HSD17B2: variants seen among roughly 807,000 people sequenced by gnomAD.
HSD17B2 encodes hydroxysteroid 17-beta dehydrogenase 2, also known as 17-beta-hydroxysteroid dehydrogenase type 2.
A neutral mutation model predicts 26.9 loss-of-function variants in HSD17B2; 32 were observed. The ratio of observed to expected loss-of-function variants is 1.19; its 90% CI spans 0.90 to 1.60. The LOEUF (loss-of-function observed/expected upper bound fraction) is 1.60. Ranked by LOEUF, HSD17B2 falls within the 40% of genes most tolerant of loss-of-function variation. The pLI, the probability that HSD17B2 is intolerant of heterozygous loss-of-function variation, is 0.00. For missense variants in HSD17B2, 613 were observed against 468.6 expected (o/e 1.31, Z -2.85); for synonymous variants, 246 against 186.7 (o/e 1.32, Z -2.59).
At position 82,081,163 on chromosome 16, in the gene HSD17B2, G is replaced by C. The variant is rs1246027631; in HGVS notation, c.665-9739G>C. On this transcript the variant is annotated intron_variant, in intron 3 of 4. Coordinates refer to ENST00000199936, the MANE Select transcript of HSD17B2 (RefSeq NM_002153.3). Reference sequence around the variant, plus strand: ...ACTTCCATTGGATCTGCCCTCCTTGGAAGGCAAGAGGTGTGCAGAATAGAA... The same window carrying C: ...ACTTCCATTGGATCTGCCCTCCTTGCAAGGCAAGAGGTGTGCAGAATAGAA... Among the ~76,000 whole-genome samples, 3 of 152,106 alleles carry C rather than the reference G, an allele frequency of 2.0e-5. No individual in the cohort carries two copies. In the South Asian group the frequency reaches 6.2e-4, roughly 32 times the overall value.
At chr16:82,096,136 T>C (rs1904832034) in intron 4 of HSD17B2, 1 of 152,184 alleles carries the variant, frequency 6.6e-6, no homozygotes, top group Non-Finnish European at 1.5e-5. Flanking sequence ...TATGTGTGAA[T>C]TATATTAAAA....
intron 4 of HSD17B2, 58 bp downstream of exon 4, chr16:82,091,097 C>T: frequency 1.3e-6 from 2 of 1,555,536 alleles, no homozygotes; most frequent in East Asian, 2.2e-5. Context: ...CCCGAAGGTC[C>T]TCTTGGTCTG....
In HSD17B2 at chr16:82,059,945, G is replaced by A. The variant is rs1238577740; in HGVS notation, c.266-8225G>A. Among the ~76,000 whole-genome samples, 4 of 152,258 alleles carry A rather than the reference G, an allele frequency of 2.6e-5. No individual in the cohort carries two copies. In the East Asian group the frequency reaches 5.8e-4, roughly 22 times the overall value. On this transcript the variant is annotated intron_variant, in intron 1 of 4. Transcript: ENST00000199936. ...AAAAAAAATTGACATGAAAAATCTA[G>A]CTATTTCCCAAGGCCTCCTCACCCG...
At chr16:82,067,967 C>A (rs970018030) in intron 1 of HSD17B2, among the ~76,000 whole-genome samples, 1 of 152,172 alleles carries the variant, frequency 6.6e-6, no homozygotes. Context: ...ATATTATGCC[C>A]CTTTCTTTAT....
At chr16:82,095,695 G>C (rs1000609213) in intron 4 of HSD17B2, 1 of 152,248 alleles carries the variant, frequency 6.6e-6, no homozygotes, top group Non-Finnish European at 1.5e-5. Context: ...GGATAGGGAA[G>C]TGATTGGCTA....
At chr16:82,084,292 C>G (rs1904460892) in intron 3 of HSD17B2, among the ~76,000 whole-genome samples, 1 of 152,098 alleles carries the variant, frequency 6.6e-6, no homozygotes, top group African/African-American at 2.4e-5. Context: ...GGGTGTTTAA[C>G]AGCATATGTG....
Position 82,090,966 on chromosome 16 carries a change from A to C in HSD17B2, c.729A>C (p.Ser243=), listed in dbSNP as rs377380117. 3.1e-6 allele frequency: 5 copies of C among 1,613,926 alleles called. No homozygotes were observed. The highest frequency in any genetic ancestry group is 4.5e-5 in the East Asian group (2 of 44,892). Residue 243 remains serine (S), a synonymous_variant, in exon 4 of 5, where the codon TCA becomes TCC. Coordinates refer to ENST00000199936, the MANE Select transcript of HSD17B2 (RefSeq NM_002153.3). The stretch of plus-strand genomic sequence containing the variant: ...CAAAGGCGGCTGTGACCATGTTCTC[A>C]TCAGTTATGAGACTGGAGCTTTCCA... ...GSSKAAVTMF[S]SVMRLELSKW...
rs180692536 is a variant in HSD17B2 at position 82,072,106 on chromosome 16, C to T, written c.664+979C>T. 4.6e-5 allele frequency: 7 copies of T among 152,304 alleles called. No individual in the cohort carries two copies. The South Asian group carries it at 1.2e-3, about 27-fold the overall frequency. The allele number at this position is 152,304 out of a possible 1,614,324, so 9.4% of individuals were successfully genotyped here. ...CCTAGACAAATATAGTTGTCCATCA[C>T]ATTCCCTTTCCTGGCTTTAACTCAG... On this transcript the variant is annotated intron_variant, in intron 3 of 4. Coordinates refer to ENST00000199936, the MANE Select transcript of HSD17B2 (RefSeq NM_002153.3).
At chr16:82,057,578 G>A (rs952844994) in intron 1 of HSD17B2, among the ~76,000 whole-genome samples, 1 of 152,212 alleles carries the variant, frequency 6.6e-6, no homozygotes, top group Non-Finnish European at 1.5e-5. Context: ...AAAAGCAACT[G>A]TGCAGTGGAG....
At chr16:82,074,298 C>T (rs1914764044) in intron 3 of HSD17B2, among the ~76,000 whole-genome samples, 1 of 152,194 alleles carries the variant, frequency 6.6e-6, no homozygotes, top group African/African-American at 2.4e-5. Flanking sequence ...TCGTTCATCA[C>T]ATCCAGTTTT....
intron 3 of HSD17B2, among the ~76,000 whole-genome samples, chr16:82,084,913 G>T (rs759850009): frequency 2.0e-5 from 3 of 152,128 alleles, no homozygotes; most frequent in Non-Finnish European, 2.9e-5. Flanking sequence ...TTTTTGCCAT[G>T]GGGTCTCACT....
intron 1 of HSD17B2, among the ~76,000 whole-genome samples, chr16:82,041,775 T>C (rs1432423438): frequency 1.3e-5 from 2 of 152,228 alleles, no homozygotes; most frequent in African/African-American, 4.8e-5. Flanking sequence ...TCCACCTTCT[T>C]ATATGGCTGC....
intron 1 of HSD17B2, among the ~76,000 whole-genome samples, chr16:82,067,267 G>A (rs1914593079): frequency 6.6e-6 from 1 of 152,194 alleles, no homozygotes; most frequent in African/African-American, 2.4e-5. Flanking sequence ...ACATGACACA[G>A]GCAATGTGAA....
At chr16:82,037,104 C>T (rs1023684246) in intron 1 of HSD17B2, among the ~76,000 whole-genome samples, 5 of 152,110 alleles carry the variant, frequency 3.3e-5, no homozygotes, top group Non-Finnish European at 7.4e-5. Flanking sequence ...TGAAAGGTGC[C>T]GTGCATTTAG....
chr16:82,090,916 G>A lies in HSD17B2; in HGVS notation c.679G>A (p.Glu227Lys), dbSNP rs747424959. 1 of 1,611,870 alleles carries A rather than the reference G, an allele frequency of 6.2e-7. No individual in the cohort carries two copies. Among genetic ancestry groups the A allele is most frequent in the South Asian group, 1.1e-5 (1 of 90,616 alleles). ...TATTCCCATAGGAGGGGCCCCAATG[G>A]AAAGGCTGGCATCTTATGGCTCATC... ...VSSMGGGAPM[E>K]RLASYGSSKA... The change falls in exon 4 of 5, where the codon GAA becomes AAA. Residue 227 changes from glutamate (E) to lysine (K), a missense_variant. By Grantham distance (56) the Glu-to-Lys change is moderately conservative. Transcript: ENST00000199936.
intron 1 of HSD17B2, among the ~76,000 whole-genome samples, chr16:82,046,731 A>G (rs1017346664): frequency 6.6e-5 from 10 of 152,228 alleles, no homozygotes; most frequent in Admixed American, 1.3e-4. Flanking sequence ...GAGCCAATGT[A>G]CACAGTATAC....
intron 3 of HSD17B2, among the ~76,000 whole-genome samples, chr16:82,086,622 G>A (rs1022084382): frequency 5.9e-5 from 9 of 152,178 alleles, no homozygotes; most frequent in African/African-American, 1.9e-4. Context: ...ATGATTTTTC[G>A]TGCCTATGCT....
chr16:82,045,287 G>A (rs1163464209), intron 1 of HSD17B2, among the ~76,000 whole-genome samples: 1 of 152,044 alleles, frequency 6.6e-6, no homozygotes, highest in Non-Finnish European at 1.5e-5. Context: ...CCCCCAGTGA[G>A]CCCCCCATCC....
At chr16:82,097,252 GTCTATGTCTATGTCTA>G (rs1213930471) in intron 4 of HSD17B2, 1 of 146,104 alleles carries the variant, frequency 6.8e-6, no homozygotes, top group Non-Finnish European at 1.5e-5. Context: ...CTATGTCTAT[GTCTATGTCTATGTCTA>G]TGTGTGTGTA....
Sources: allele counts gnomAD v4.1 joint callset (sites outside exome capture counted in the v4.1 genomes callset), GRCh38; gene constraint gnomAD v4.1.1; transcripts MANE v1.5; gene names NCBI Gene and HGNC (gene_info 2026-07-23, HGNC 2026-07-21).